The following ENO4 variants were observed in gnomAD, a reference collection of about 807,000 sequenced individuals.
The protein encoded by ENO4 is 2-phospho-D-glycerate hydro-lyase.
In ENO4, 53 loss-of-function variants were observed where a neutral mutation model predicts 63.2. That is an observed-to-expected ratio of 0.84 (90% CI 0.67 to 1.05). The LOEUF (loss-of-function observed/expected upper bound fraction) is 1.05. Ranked by LOEUF, ENO4 falls within the 50% of genes least tolerant of loss-of-function variation. ENO4 has a pLI of 0.00. For synonymous variants in ENO4, 266 were observed against 283.8 expected (o/e 0.94, Z 0.63); for missense variants, 719 against 772.0 (o/e 0.93, Z 0.81).
Position 116,911,759 on chromosome 10 carries a change from A to T in ENO4, c.*187A>T, listed in dbSNP as rs766543597. 1.1e-5 allele frequency: 17 copies of T among 1,591,816 alleles called. No individual in the cohort carries two copies. The South Asian group carries it at 1.9e-4, about 18-fold the overall frequency. ...AATACTCTCCTTTCATTTCCCCATT[A>T]GCTAAACAATAAACTGAAATCTATT... On this transcript the variant is annotated 3_prime_UTR_variant, in exon 11 of 11. Transcript: ENST00000369207.
In ENO4 at chr10:116,881,591, G is replaced by A. The variant is rs746639233; in HGVS notation, c.1800G>A (p.Ala600=). The A allele has an allele frequency of 8.5e-5, 131 of 1,550,208 alleles. No individual in the cohort carries two copies. Among genetic ancestry groups the A allele is most frequent in the East Asian group, 2.0e-4 (8 of 40,908 alleles). Residue 600 remains alanine (A), a synonymous_variant, in exon 14 of 14, where the codon GCG becomes GCA. Coordinates refer to ENST00000341276, the MANE Select transcript of ENO4 (RefSeq NM_001242699.2). Reference sequence around the variant, plus strand: ...CTGCGGAGGCACTTGAGGCTGCTGCGGCTAGGGAGCCGCTGGTGCCCACCT... The same window carrying A: ...CTGCGGAGGCACTTGAGGCTGCTGCAGCTAGGGAGCCGCTGGTGCCCACCT... ...EKAAEALEAA[A]AREPLVPTFP...
chr10:116,860,468 C>A (rs1395081074), intron 4 of ENO4, among the ~76,000 whole-genome samples: 3 of 152,220 alleles, frequency 2.0e-5, no homozygotes, highest in African/African-American at 7.2e-5. Flanking sequence ...AATCCTCTAT[C>A]TACTTTCTGT....
intron 10 of ENO4, among the ~76,000 whole-genome samples, chr10:116,891,789 C>T (rs1434062437): frequency 2.0e-5 from 3 of 152,006 alleles, no homozygotes; most frequent in South Asian, 2.1e-4. Flanking sequence ...AAGTTTCAAA[C>T]CTAAGGTGAA....
intron 1 of ENO4, chr10:116,850,176 C>T: frequency 4.0e-6 from 1 of 248,434 alleles, no homozygotes; most frequent in Non-Finnish European, 8.0e-6. Flanking sequence ...TACAACTTGG[C>T]TTCAGCCTAT....
chr10:116,882,800 A>T (rs1375057657), downstream of ENO4: 2 of 152,214 alleles, frequency 1.3e-5, no homozygotes, highest in East Asian at 3.8e-4. Flanking sequence ...CAGAGCATGC[A>T]GGAGACTTGG....
At chr10:116,911,474 T>C (rs1442975733) in intron 10 of ENO4, 19 of 1,549,750 alleles carry the variant, frequency 1.2e-5, no homozygotes, top group Non-Finnish European at 1.5e-5. Context: ...TTCATCAACA[T>C]GTACGGACCC....
rs1037044924 is a variant in ENO4, at chr10:116,861,056, C to G, written c.805-3C>G. ...ATTTTCCCTCGTTTTCCCCCTATTTCAGGAACAGCCAACAACGCTATCTAT... is the reference window on the plus strand; with the variant it reads ...ATTTTCCCTCGTTTTCCCCCTATTTGAGGAACAGCCAACAACGCTATCTAT... On this transcript the variant is annotated splice_polypyrimidine_tract_variant and splice_region_variant and intron_variant, in intron 5 of 13. Coordinates refer to ENST00000341276, the MANE Select transcript of ENO4 (RefSeq NM_001242699.2). 1.6e-4 allele frequency: 245 copies of G among 1,548,296 alleles called. No individual in the cohort carries two copies. The highest frequency in any genetic ancestry group is 2.0e-4 in the Non-Finnish European group (232 of 1,146,064).
chr10:116,868,694 C>A lies in ENO4; in HGVS notation c.1035C>A (p.Ser345Arg), dbSNP rs970060687. ...AGACAAAAAAAGGGCACGATGGAAGCAAAAGAGGTCAAGTAAGTCTATATA... is the reference window on the plus strand; with the variant it reads ...AGACAAAAAAAGGGCACGATGGAAGAAAAAGAGGTCAAGTAAGTCTATATA... ...KAETKKGHDG[S>R]KRGQQQITGK... The change falls in exon 8 of 14, where the codon AGC (serine) becomes AGA (arginine). Residue 345 changes from serine to arginine, a missense_variant. Coordinates refer to ENST00000341276, the MANE Select transcript of ENO4 (RefSeq NM_001242699.2). 5.2e-6 allele frequency: 8 copies of A among 1,550,266 alleles called. No homozygotes were observed. The highest frequency in any genetic ancestry group is 7.0e-6 in the Non-Finnish European group (8 of 1,146,700).
Position 116,879,880 on chromosome 10 carries a change from T to TA in ENO4, c.1617_1618insA (p.Gly540ArgfsTer14), listed in dbSNP as rs1283957308. On this transcript the variant is annotated frameshift_variant, in exon 13 of 14. Transcript: ENST00000341276. LOFTEE classifies it high-confidence loss of function. ...TTCCCCCCTTTCAGGCTGTTGGGCT[T>TA]GGTGTCCGGTTCATCAAGTTGGGGG... is the stretch of plus-strand genomic sequence containing the variant. 3.2e-6 allele frequency: 5 copies of TA among 1,550,086 alleles called. No individual in the cohort carries two copies. Among genetic ancestry groups the TA allele is most frequent in the Non-Finnish European group, 4.4e-6 (5 of 1,146,902 alleles).
At chr10:116,878,928 A>G (rs1231073815) in intron 11 of ENO4, among the ~76,000 whole-genome samples, 1 of 151,906 alleles carries the variant, frequency 6.6e-6, no homozygotes, top group South Asian at 2.1e-4. Flanking sequence ...TATTTTTAGT[A>G]GAGACGGGGT....
intron 10 of ENO4, among the ~76,000 whole-genome samples, chr10:116,902,929 T>C (rs1847804623): frequency 6.6e-6 from 1 of 152,178 alleles, no homozygotes; most frequent in Admixed American, 6.5e-5. Flanking sequence ...TCCCTGACCA[T>C]TGGTATTAAG....
At chr10:116,901,446 G>C (rs987540242) in intron 10 of ENO4, 1 of 985,100 alleles carries the variant, frequency 1.0e-6, no homozygotes, top group African/African-American at 1.7e-5. Flanking sequence ...GATGATCGAT[G>C]TATTTAATCT....
intron 11 of ENO4, among the ~76,000 whole-genome samples, chr10:116,877,628 C>T (rs752727509): frequency 2.0e-5 from 3 of 151,976 alleles, no homozygotes; most frequent in Non-Finnish European, 4.4e-5. Context: ...AGGGAAGCCT[C>T]GGGAGGCAGA....
rs1397784813 is a variant in ENO4 at position 116,899,538 on chromosome 10, TGTGTGTGTGAGA to T, written c.1195-11959_1195-11948del. Reference sequence around the variant, plus strand: ...GTGTGTGTGTGTGTGTGTGTGTGTGTGTGTGTGTGAGAGAGTGCATGCATACATATGTTGGGA... The same window carrying T: ...GTGTGTGTGTGTGTGTGTGTGTGTGTGAGTGCATGCATACATATGTTGGGA... On this transcript the variant is annotated intron_variant, in intron 10 of 10. Transcript: ENST00000369207. Among the ~76,000 whole-genome samples the T allele has an allele frequency of 5.9e-4, 52 of 88,678 alleles. 1 individual carries two copies. The highest frequency in any genetic ancestry group is 2.4e-3 in the South Asian group (6 of 2,482). The allele number at this position is 88,678 out of a possible 152,430, so 58.2% of individuals were successfully genotyped here. A position where few individuals can be genotyped will look rare whatever the true frequency, so the allele number is the denominator to read the frequency against.
At chr10:116,860,451 C>T (rs976986622) in intron 4 of ENO4, among the ~76,000 whole-genome samples, 13 of 152,208 alleles carry the variant, frequency 8.5e-5, no homozygotes, top group African/African-American at 2.9e-4. Flanking sequence ...AATTTCAAGA[C>T]AGTTCAAATC....
Position 116,856,588 on chromosome 10 carries a change from G to A in ENO4, c.391G>A (p.Val131Met). Reference sequence around the variant, plus strand: ...GGAGGAGGCAGAGAGGGCCAGCGCGGTGAGCACCGCCGTGCAGTGGGTCAA... The same window carrying A: ...GGAGGAGGCAGAGAGGGCCAGCGCGATGAGCACCGCCGTGCAGTGGGTCAA... ...KAEEAERASA[V>M]STAVQWVNST... Residue 131 changes from valine (V) to methionine (M), a missense_variant, in exon 3 of 14, where the codon GTG becomes ATG. This residue lies in a region of ENO4 where 544 missense variants were observed against 583.6 expected (regional missense o/e 0.93). Transcript: ENST00000341276. The A allele has an allele frequency of 1.3e-6, 2 of 1,536,184 alleles. No individual in the cohort carries two copies. The highest frequency in any genetic ancestry group is 1.7e-6 in the Non-Finnish European group (2 of 1,146,930).
At chr10:116,911,879 A>T, downstream of ENO4, 2 of 1,495,704 alleles carry the variant, frequency 1.3e-6, no homozygotes, top group African/African-American at 2.8e-5. Context: ...TCACTGAGTA[A>T]TTCAGTTTAA....
At chr10:116,910,525 A>G (rs914558143) in intron 10 of ENO4, among the ~76,000 whole-genome samples, 1 of 152,208 alleles carries the variant, frequency 6.6e-6, no homozygotes, top group South Asian at 2.1e-4. Flanking sequence ...AGAGAATGGG[A>G]TATCTTGGCT....
At chr10:116,887,269 C>T (rs939390246), downstream of ENO4, among the ~76,000 whole-genome samples, 2 of 152,202 alleles carry the variant, frequency 1.3e-5, no homozygotes, top group African/African-American at 4.8e-5. Flanking sequence ...CTCGTCTCTT[C>T]TGCTGCAAGA....
Sources: allele counts gnomAD v4.1 joint callset (sites outside exome capture counted in the v4.1 genomes callset), GRCh38; gene constraint gnomAD v4.1.1; regional missense constraint gnomAD v4.1.1; transcripts MANE v1.5; gene names NCBI Gene and HGNC (gene_info 2026-07-23, HGNC 2026-07-21).